The following GALNT1 variants were observed in gnomAD, a reference collection of about 807,000 sequenced individuals.
GALNT1 encodes the protein GalNAc transferase 1.
GALNT1 carries 17 observed loss-of-function variants against 65.7 expected under a neutral mutation model. The observed-to-expected ratio is 0.26, with a 90% CI of 0.18 to 0.39. GALNT1 has a LOEUF of 0.39. Ranked by LOEUF, GALNT1 falls within the 10% of genes least tolerant of loss-of-function variation. GALNT1 has a pLI of 1.00. For synonymous variants in GALNT1, 210 were observed against 219.7 expected, an observed-to-expected ratio of 0.96 and a Z score of 0.39; for missense variants, 460 against 672.8, an observed-to-expected ratio of 0.68 and a Z score of 3.50.
chr18:35,707,500 G>T (rs762727210), intron 11 of GALNT1, among the ~76,000 whole-genome samples: 1 of 152,202 alleles, frequency 6.6e-6, no homozygotes, highest in Admixed American at 6.5e-5. Context: ...GTTGTATCTG[G>T]AACAGGGTTC....
chr18:35,639,226 T>C (rs1465456133), intron 1 of GALNT1, among the ~76,000 whole-genome samples: 1 of 152,176 alleles, frequency 6.6e-6, no homozygotes. Context: ...AAACTTCATT[T>C]TTGTCTTATT....
intron 4 of GALNT1, among the ~76,000 whole-genome samples, chr18:35,678,900 A>T (rs1220170479): frequency 6.6e-6 from 1 of 152,256 alleles, no homozygotes; most frequent in African/African-American, 2.4e-5. Flanking sequence ...CAATAAAAAC[A>T]ATTTAAATCT....
chr18:35,705,313 A>G (rs2048238217), intron 11 of GALNT1, among the ~76,000 whole-genome samples: 1 of 152,202 alleles, frequency 6.6e-6, no homozygotes, highest in African/African-American at 2.4e-5. Context: ...GTCAATCTTA[A>G]TTACAGTCAT....
intron 11 of GALNT1, among the ~76,000 whole-genome samples, chr18:35,703,863 C>T (rs1472684899): frequency 6.6e-6 from 1 of 152,154 alleles, no homozygotes; most frequent in Non-Finnish European, 1.5e-5. Context: ...TGCCTCCAAT[C>T]CCTGGGTCCT....
At chr18:35,694,450 A>G (rs1395839820) in intron 9 of GALNT1, among the ~76,000 whole-genome samples, 5 of 152,230 alleles carry the variant, frequency 3.3e-5, no homozygotes, top group Non-Finnish European at 7.3e-5. Flanking sequence ...ATACTGAAAA[A>G]TTGGAACCCT....
chr18:35,610,114 G>A (rs186169352), intron 1 of GALNT1, among the ~76,000 whole-genome samples: 14 of 152,340 alleles, frequency 9.2e-5, no homozygotes, highest in Non-Finnish European at 1.0e-4. Context: ...AGCAACACCT[G>A]TGCAGACATG....
At chr18:35,638,079 A>G (rs1466535858) in intron 1 of GALNT1, among the ~76,000 whole-genome samples, 1 of 152,228 alleles carries the variant, frequency 6.6e-6, no homozygotes, top group Non-Finnish European at 1.5e-5. Flanking sequence ...TGGTTACCCA[A>G]GAGCTGTGAT....
In GALNT1 at chr18:35,666,238, A is replaced by G. The variant is rs561300438; in HGVS notation, c.314+2436A>G. On this transcript the variant is annotated intron_variant, in intron 3 of 11. Transcript: ENST00000269195. ...AAAACAAAAGTAATCATAGTTTACT[A>G]CTACATGGCTTAGCCATGAATAAGT... is the stretch of plus-strand genomic sequence containing the variant. 2.6e-5 allele frequency among the ~76,000 whole-genome samples: 4 copies of G among 152,376 alleles called. No individual in the cohort carries two copies. In the South Asian group the frequency reaches 8.3e-4, roughly 32 times the overall value.
At chr18:35,604,026 A>G (rs2046614560) in intron 1 of GALNT1, among the ~76,000 whole-genome samples, 1 of 152,094 alleles carries the variant, frequency 6.6e-6, no homozygotes, top group South Asian at 2.1e-4. Context: ...TTCATCACCC[A>G]TGTAGTGAGC....
At chr18:35,584,058 GTAC>G (rs2046353465) in intron 1 of GALNT1, among the ~76,000 whole-genome samples, 1 of 152,228 alleles carries the variant, frequency 6.6e-6, no homozygotes, top group Non-Finnish European at 1.5e-5. Context: ...CCAGTCCAGT[GTAC>G]TACATTGTAT....
intron 1 of GALNT1, among the ~76,000 whole-genome samples, chr18:35,640,706 T>C (rs960277716): frequency 6.6e-6 from 1 of 152,166 alleles, no homozygotes; most frequent in Non-Finnish European, 1.5e-5. Context: ...TATAAAGCTG[T>C]AAAAGTTAAG....
At chr18:35,643,746 C>T (rs550897594) in intron 1 of GALNT1, among the ~76,000 whole-genome samples, 100 of 149,276 alleles carry the variant, frequency 6.7e-4, no homozygotes, top group Admixed American at 2.5e-3. Context: ...TGCAGTGAGC[C>T]GAGATCGTGC....
chr18:35,695,160 A>G (rs1410960959), intron 9 of GALNT1, among the ~76,000 whole-genome samples: 1 of 150,536 alleles, frequency 6.6e-6, no homozygotes, highest in Non-Finnish European at 1.5e-5. Flanking sequence ...GGTAAATTTT[A>G]TGTTATGTGT....
At chr18:35,707,440 C>T (rs899361379) in intron 11 of GALNT1, among the ~76,000 whole-genome samples, 1 of 152,150 alleles carries the variant, frequency 6.6e-6, no homozygotes, top group Non-Finnish European at 1.5e-5. Context: ...CAGCATCCTA[C>T]CCACAAGGTT....
At chr18:35,669,222 CAGAG>C (rs1410463098) in intron 3 of GALNT1, among the ~76,000 whole-genome samples, 1 of 1,684 alleles carries the variant, frequency 5.9e-4, no homozygotes, top group African/African-American at 6.9e-4. Flanking sequence ...GCCTGAGCAA[CAGAG>C]AGAGACCATC....
chr18:35,583,090 A>G (rs1436380991), intron 1 of GALNT1, among the ~76,000 whole-genome samples: 3 of 152,210 alleles, frequency 2.0e-5, no homozygotes, highest in Admixed American at 6.5e-5. Flanking sequence ...TTCTGGGTAC[A>G]TGGTGAATAA....
In GALNT1 at chr18:35,581,828, A is replaced by AG. The variant is rs573560502; in HGVS notation, c.-138_-137insG. 143,618 of 143,634 alleles carry AG rather than the reference A, an allele frequency of 1. 71,802 individuals carry two copies. The highest frequency in any genetic ancestry group is 1 in the Middle Eastern group (286 of 286). 8.9% of individuals were successfully genotyped at this position (143,634 alleles called of 1,614,324 possible). A position where few individuals can be genotyped will look rare whatever the true frequency, so the allele number is the denominator to read the frequency against. On this transcript the variant is annotated 5_prime_UTR_variant, in exon 1 of 12. Transcript: ENST00000269195. ...GCGACCGCCGCGGCCGGCCCGGAGG[A>AG]CGCCTGCCGCCGCCGCCGCCGCGCG...
chr18:35,597,933 A>G (rs2046524994), intron 1 of GALNT1, among the ~76,000 whole-genome samples: 1 of 149,640 alleles, frequency 6.7e-6, no homozygotes, highest in Non-Finnish European at 1.5e-5. Flanking sequence ...TATACAATAT[A>G]TCATTGTTAA....
chr18:35,695,969 C>A (rs665852), intron 9 of GALNT1, among the ~76,000 whole-genome samples: 1 of 151,904 alleles, frequency 6.6e-6, no homozygotes, highest in Non-Finnish European at 1.5e-5. Flanking sequence ...GGCCAGAGTT[C>A]GGGCGTGTGA....
Sources: gnomAD v4.1 joint callset for allele counts (sites outside exome capture counted in the v4.1 genomes callset) on GRCh38, gnomAD v4.1.1 for gene constraint, MANE v1.5 for transcripts, NCBI Gene and HGNC (gene_info 2026-07-23, HGNC 2026-07-21) for gene names.